Variants in SORCS1 observed in about 807,000 individuals in gnomAD.
SORCS1 encodes the protein VPS10 domain-containing receptor SorCS1.
A neutral mutation model predicts 146.1 loss-of-function variants in SORCS1; 60 were observed. The ratio of observed to expected loss-of-function variants is 0.41; its 90% CI spans 0.33 to 0.51. The LOEUF (loss-of-function observed/expected upper bound fraction) is 0.51, where lower values mean the gene tolerates loss of function less well. Ranked by LOEUF, SORCS1 falls within the 20% of genes least tolerant of loss-of-function variation. The pLI is 0.21. For synonymous variants in SORCS1, 637 were observed against 584.0 expected (o/e 1.09, Z -1.31); for missense variants, 1,352 against 1,487.6 (o/e 0.91, Z 1.50).
At chr10:106,694,354 G>T (rs1297605011) in intron 9 of SORCS1, among the ~76,000 whole-genome samples, 1 of 152,028 alleles carries the variant, frequency 6.6e-6, no homozygotes, top group African/African-American at 2.4e-5. Flanking sequence ...CCACCTCATG[G>T]GTGCAAGTGA....
intron 2 of SORCS1, among the ~76,000 whole-genome samples, chr10:106,919,862 T>A (rs1952623213): frequency 6.6e-6 from 1 of 152,238 alleles, no homozygotes; most frequent in African/African-American, 2.4e-5. Flanking sequence ...GTGCCCATTC[T>A]TAAAAGGGTT....
chr10:107,023,753 T>A lies in SORCS1; in HGVS notation c.559-67173A>T, dbSNP rs563366176. On this transcript the variant is annotated intron_variant, in intron 1 of 25. Transcript: ENST00000263054. ...GAATTTGCTGTTATTTTGAAAAATT[T>A]CAAATATTTACAAATTAAGAGAAAC... Among the ~76,000 whole-genome samples, 15 of 152,272 alleles carry A rather than the reference T, an allele frequency of 9.9e-5. No homozygotes were observed. In the South Asian group the frequency reaches 2.9e-3, roughly 29 times the overall value.
At position 106,629,455 on chromosome 10, in the gene SORCS1, G is replaced by C. The variant is rs752503488; in HGVS notation, c.2476-67C>G. On this transcript the variant is annotated intron_variant, in intron 18 of 25. Coordinates refer to ENST00000263054, the MANE Select transcript of SORCS1 (RefSeq NM_052918.5). Reference sequence around the variant, plus strand: ...GGCTGCTCCTGCCTAGGGGACTGGGGACTACGGCTTGTCCTAGTCCCTGGC... The same window carrying C: ...GGCTGCTCCTGCCTAGGGGACTGGGCACTACGGCTTGTCCTAGTCCCTGGC... The C allele has an allele frequency of 1.5e-4, 234 of 1,540,078 alleles. 4 individuals carry two copies. The highest frequency in any genetic ancestry group is 2.8e-5 in the Non-Finnish European group (32 of 1,127,420).
In SORCS1 at chr10:106,667,710, T is replaced by C. The variant is rs1433911139; in HGVS notation, c.2282A>G (p.Gln761Arg). ...SSLSKDCSLGQSYLNSTGYRK... is the reference protein window; with the variant it reads ...SSLSKDCSLGRSYLNSTGYRK... ...TTACCCAGTACTATTGAGGTAACTC[T>C]GTCCCAAGCTGCAATCCTTTGACAG... Residue 761 changes from glutamine (Q) to arginine (R), a missense_variant, in exon 17 of 26, where the codon CAG becomes CGG. This residue lies in a region of SORCS1 where 648 missense variants were observed against 793.8 expected (regional missense o/e 0.82). Coordinates refer to ENST00000263054, the MANE Select transcript of SORCS1 (RefSeq NM_052918.5). The C allele has an allele frequency of 6.2e-7, 1 of 1,614,034 alleles. No homozygotes were observed. The highest frequency in any genetic ancestry group is 8.5e-7 in the Non-Finnish European group (1 of 1,179,980).
intron 2 of SORCS1, among the ~76,000 whole-genome samples, chr10:106,839,702 A>G (rs1948939004): frequency 2.6e-5 from 4 of 152,232 alleles, no homozygotes; most frequent in African/African-American, 7.2e-5. Context: ...GAAGTAGCCA[A>G]TGCTGGCTTC....
chr10:107,147,754 C>G (rs1337933262), intron 1 of SORCS1, among the ~76,000 whole-genome samples: 6 of 152,102 alleles, frequency 3.9e-5, no homozygotes, highest in Non-Finnish European at 7.3e-5. Flanking sequence ...TGCAAACCAC[C>G]TATGTGCCAA....
intron 2 of SORCS1, among the ~76,000 whole-genome samples, chr10:106,937,830 G>T (rs1329241392): frequency 2.6e-5 from 4 of 152,062 alleles, no homozygotes; most frequent in Non-Finnish European, 5.9e-5. Flanking sequence ...CGGACATGGT[G>T]GCAGGTGCCT....
chr10:106,774,590 A>G (rs1860287265), intron 4 of SORCS1, among the ~76,000 whole-genome samples: 1 of 152,186 alleles, frequency 6.6e-6, no homozygotes, highest in Non-Finnish European at 1.5e-5. Flanking sequence ...TACTGTTACA[A>G]TAGAAATCCG....
chr10:106,807,910 T>A (rs7923197), intron 3 of SORCS1, among the ~76,000 whole-genome samples: 9,507 of 152,372 alleles, frequency 0.062, 377 homozygotes, highest in African/African-American at 0.097. Flanking sequence ...TTGCCAAGAT[T>A]CAGCTCAAAT....
chr10:107,045,849 C>T (rs1959346173), intron 1 of SORCS1, among the ~76,000 whole-genome samples: 2 of 144,570 alleles, frequency 1.4e-5, no homozygotes, highest in Non-Finnish European at 3.0e-5. Context: ...AGTGGCATAA[C>T]AACAGTGTAC....
At chr10:106,947,437 T>C (rs1467326485) in intron 2 of SORCS1, among the ~76,000 whole-genome samples, 1 of 152,190 alleles carries the variant, frequency 6.6e-6, no homozygotes, top group Non-Finnish European at 1.5e-5. Flanking sequence ...GGAGAAGCAG[T>C]GTAGCACAGG....
At chr10:107,126,264 G>A (rs1393559622) in intron 1 of SORCS1, among the ~76,000 whole-genome samples, 1 of 151,844 alleles carries the variant, frequency 6.6e-6, no homozygotes. Context: ...ACTCTCCAAT[G>A]TCTGCTCCTA....
At chr10:107,071,711 G>C (rs1374336690) in intron 1 of SORCS1, among the ~76,000 whole-genome samples, 1 of 152,150 alleles carries the variant, frequency 6.6e-6, no homozygotes, top group Non-Finnish European at 1.5e-5. Context: ...ACAAAGACAG[G>C]TCCTAACACT....
chr10:106,977,749 A>C (rs1956091231), intron 1 of SORCS1, among the ~76,000 whole-genome samples: 1 of 152,212 alleles, frequency 6.6e-6, no homozygotes, highest in South Asian at 2.1e-4. Flanking sequence ...AATATGAGCC[A>C]ATATGGGACA....
At chr10:107,008,311 A>AGTAC (rs1325499098) in intron 1 of SORCS1, among the ~76,000 whole-genome samples, 12 of 152,354 alleles carry the variant, frequency 7.9e-5, no homozygotes, top group African/African-American at 2.9e-4. Context: ...ACAATTATGC[A>AGTAC]AAGCAGTGTT....
chr10:106,974,779 G>C (rs1955925694), intron 1 of SORCS1, among the ~76,000 whole-genome samples: 1 of 152,232 alleles, frequency 6.6e-6, no homozygotes. Context: ...GTCAAAGGTA[G>C]AGCTGCTCTA....
chr10:107,176,431 A>G, the SORCS1 span, among the ~76,000 whole-genome samples: 35,077 of 150,642 alleles, frequency 0.23, 4,236 homozygotes, highest in African/African-American at 0.3. Context: ...GACCTTCTGG[A>G]CTCAAGTGAT....
At chr10:106,998,717 C>T (rs1256935657) in intron 1 of SORCS1, among the ~76,000 whole-genome samples, 1 of 152,148 alleles carries the variant, frequency 6.6e-6, no homozygotes, top group African/African-American at 2.4e-5. Context: ...GTTTCCAATC[C>T]ACCCCCTACC....
intron 1 of SORCS1, among the ~76,000 whole-genome samples, chr10:107,006,515 A>G (rs1957448766): frequency 6.6e-6 from 1 of 152,230 alleles, no homozygotes; most frequent in South Asian, 2.1e-4. Flanking sequence ...CAAAGAAGAG[A>G]ACATGAAAAT....
Sources: gnomAD v4.1 joint callset for allele counts (sites outside exome capture counted in the v4.1 genomes callset) on GRCh38, gnomAD v4.1.1 for gene constraint, gnomAD v4.1.1 regional missense constraint, MANE v1.5 for transcripts, NCBI Gene and HGNC (gene_info 2026-07-23, HGNC 2026-07-21) for gene names.